Variants in CRYBB2 observed in about 807,000 individuals in gnomAD.
CRYBB2 encodes crystallin beta B2.
In CRYBB2, 12 loss-of-function variants were observed where a neutral mutation model predicts 24.3. That is an observed-to-expected ratio of 0.49 (90% CI 0.32 to 0.80). The LOEUF (loss-of-function observed/expected upper bound fraction) is 0.80. Among genes scored for constraint, CRYBB2 ranks in the 30% least tolerant of loss-of-function variants. The pLI, the probability that CRYBB2 is intolerant of heterozygous loss-of-function variation, is 0.04. For synonymous variants in CRYBB2, 98 were observed against 101.6 expected (o/e 0.96, Z 0.21); for missense variants, 198 against 268.5 (o/e 0.74, Z 1.83).
chr22:25,216,519 A>G (rs1225208355), upstream of CRYBB2, among the ~76,000 whole-genome samples: 1 of 151,826 alleles, frequency 6.6e-6, no homozygotes, highest in African/African-American at 2.4e-5. Context: ...AAGGACCCTC[A>G]CCTAGAACCC....
At chr22:25,211,827 G>A (rs1935110437), upstream of CRYBB2, among the ~76,000 whole-genome samples, 1 of 152,222 alleles carries the variant, frequency 6.6e-6, no homozygotes, top group South Asian at 2.1e-4. Flanking sequence ...CAGCTTAATT[G>A]AGAGGCAGTA....
At chr22:25,215,322 A>T (rs929312824), upstream of CRYBB2, among the ~76,000 whole-genome samples, 31 of 152,254 alleles carry the variant, frequency 2.0e-4, no homozygotes, top group Non-Finnish European at 1.6e-4. Context: ...CCTTAAGGAT[A>T]TGCTCCTGCT....
intron 1 of CRYBB2, 130 bp from the exon 2 acceptor site, chr22:25,221,274 C>T (rs1935314874): frequency 1.4e-6 from 1 of 699,048 alleles, no homozygotes; most frequent in South Asian, 1.5e-5. Context: ...GACCCCACAG[C>T]TCTGGGACAG....
At position 25,230,260 on chromosome 22, in the gene CRYBB2, G is replaced by A. The variant is rs572053258; in HGVS notation, c.449+682G>A. On this transcript the variant is annotated intron_variant, in intron 5 of 5. Coordinates refer to ENST00000398215, the MANE Select transcript of CRYBB2 (RefSeq NM_000496.3). ...CAACCTCCGCCTCCCAGGTTCAAGC[G>A]ATTCTCCTGCCTTATCCTCCCAAGT... Among the ~76,000 whole-genome samples, 629 of 149,878 alleles carry A rather than the reference G, an allele frequency of 4.2e-3. 6 individuals carry two copies. The highest frequency in any genetic ancestry group is 0.015 in the African/African-American group (588 of 40,336).
At chr22:25,212,673 A>T (rs1330499520) in exon 1 of CRYBB2, 1 of 152,146 alleles carries the variant, frequency 6.6e-6, no homozygotes, top group East Asian at 1.9e-4. Context: ...TGTGAGGGCC[A>T]CTTCCACCAG....
chr22:25,231,299 A>C (rs1935526837), intron 5 of CRYBB2, among the ~76,000 whole-genome samples: 1 of 149,376 alleles, frequency 6.7e-6, no homozygotes, highest in Non-Finnish European at 1.5e-5. Flanking sequence ...TGAGCTTAAG[A>C]TATCACCCCC....
At position 25,221,436 on chromosome 22, in the gene CRYBB2, T is replaced by C. The variant is rs771324221; in HGVS notation, c.7T>C (p.Ser3Pro). The C allele has an allele frequency of 1.2e-6, 2 of 1,613,796 alleles. No homozygotes were observed. Among genetic ancestry groups the C allele is most frequent in the South Asian group, 2.2e-5 (2 of 91,076 alleles). The change falls in exon 2 of 6, where the codon TCA (serine) becomes CCA (proline). Residue 3 changes from serine to proline, a missense_variant. Ser to Pro is a moderately conservative substitution (Grantham distance 74). Transcript: ENST00000398215. MA[S>P]DHQTQAGKPQ... ...CTGCACAGGACAGTCCACCATGGCC[T>C]CAGATCACCAGACCCAGGCGGGCAA...
upstream of CRYBB2, among the ~76,000 whole-genome samples, chr22:25,212,398 C>T (rs557697342): frequency 6.6e-6 from 1 of 152,314 alleles, no homozygotes; most frequent in Admixed American, 6.5e-5. Context: ...AGTGAACAGG[C>T]ATCATGGAGA....
At chr22:25,223,579 C>T (rs772983299) in intron 2 of CRYBB2, among the ~76,000 whole-genome samples, 2 of 152,130 alleles carry the variant, frequency 1.3e-5, no homozygotes, top group African/African-American at 2.4e-5. Context: ...AGTCAGTGAC[C>T]GTAAAGGGCT....
At position 25,224,998 on chromosome 22, in the gene CRYBB2, C is replaced by G. The variant is rs768007526; in HGVS notation, c.135C>G (p.Gly45=). 2 of 1,612,472 alleles carry G rather than the reference C, an allele frequency of 1.2e-6. No individual in the cohort carries two copies. The highest frequency in any genetic ancestry group is 1.7e-6 in the Non-Finnish European group (2 of 1,178,432). ...CCTGCCCCAACCTGAAGGAAACTGG[C>G]GTGGAGAAGGCAGGTTCTGTCCTAG... ...NGPCPNLKET[G]VEKAGSVLVQ... Residue 45 remains glycine (G), a synonymous_variant, in exon 3 of 6, where the codon GGC becomes GGG. Transcript: ENST00000398215.
At chr22:25,218,701 AGAGG>A (rs1935226592), upstream of CRYBB2, among the ~76,000 whole-genome samples, 1 of 48,866 alleles carries the variant, frequency 2.0e-5, no homozygotes, top group Non-Finnish European at 3.3e-5. Context: ...AGAGAGAGAG[AGAGG>A]GGGAGAGAGA....
At position 25,221,397 on chromosome 22, in the gene CRYBB2, C is replaced by G. The variant is rs763885860; in HGVS notation, c.-26-7C>G. Reference sequence around the variant, plus strand: ...AGGTCCTCACTGCTGCTTCCCATGTCTTCCAGGTCATTCCTGCACAGGACA... The same window carrying G: ...AGGTCCTCACTGCTGCTTCCCATGTGTTCCAGGTCATTCCTGCACAGGACA... On this transcript the variant is annotated splice_polypyrimidine_tract_variant and splice_region_variant and intron_variant, in intron 1 of 5. Coordinates refer to ENST00000398215, the MANE Select transcript of CRYBB2 (RefSeq NM_000496.3). The G allele has an allele frequency of 8.1e-6, 13 of 1,601,838 alleles. No homozygotes were observed. In the South Asian group the frequency reaches 1.2e-4, roughly 15 times the overall value.
chr22:25,215,783 T>TG, upstream of CRYBB2, among the ~76,000 whole-genome samples: 1 of 152,348 alleles, frequency 6.6e-6, no homozygotes, highest in South Asian at 2.1e-4. Flanking sequence ...TCGAACAAGT[T>TG]ACTTAAGCTC....
chr22:25,218,718 G>GGAGAGAGAAAGAA (rs1466474591), upstream of CRYBB2, among the ~76,000 whole-genome samples: 1 of 65,412 alleles, frequency 1.5e-5, no homozygotes, highest in Admixed American at 1.6e-4. Context: ...GAGAGAGAGA[G>GGAGAGAGAAAGAA]AGAGAGAGAG....
At chr22:25,222,713 T>A (rs1359812673) in intron 2 of CRYBB2, among the ~76,000 whole-genome samples, 1 of 152,182 alleles carries the variant, frequency 6.6e-6, no homozygotes, top group Non-Finnish European at 1.5e-5. Context: ...ACCTATAATG[T>A]GAGCCACATA....
intron 1 of CRYBB2, among the ~76,000 whole-genome samples, chr22:25,220,857 G>A (rs189652881): frequency 2.4e-4 from 36 of 152,248 alleles, no homozygotes; most frequent in African/African-American, 7.7e-4. Context: ...TTCACTAATG[G>A]GGGAGTAAAA....
At chr22:25,224,136 C>A (rs5760921) in intron 2 of CRYBB2, among the ~76,000 whole-genome samples, 105,647 of 134,176 alleles carry the variant, frequency 0.79, 40,436 homozygotes, top group African/African-American at 0.91. Context: ...AAAAAAAAAA[C>A]AAAAAACCTC....
upstream of CRYBB2, among the ~76,000 whole-genome samples, chr22:25,219,338 G>A (rs771322216): frequency 4.6e-5 from 7 of 152,132 alleles, no homozygotes; most frequent in South Asian, 2.1e-4. Context: ...CATGCCTCAC[G>A]GCCTGACTGA....
intron 4 of CRYBB2, 39 bp downstream of exon 4, chr22:25,228,024 C>T (rs1291539440): frequency 6.2e-7 from 1 of 1,613,588 alleles, no homozygotes; most frequent in East Asian, 2.2e-5. Context: ...TCTCTCTGCC[C>T]ATCATCCTAC....
Sources: gnomAD v4.1 joint callset for allele counts (sites outside exome capture counted in the v4.1 genomes callset) on GRCh38, gnomAD v4.1.1 for gene constraint, MANE v1.5 for transcripts, NCBI Gene and HGNC (gene_info 2026-07-23, HGNC 2026-07-21) for gene names.